PTPRG: variants seen among roughly 807,000 people sequenced by gnomAD.
PTPRG encodes receptor-type tyrosine-protein phosphatase gamma.
In PTPRG, 102 loss-of-function variants were observed where a neutral mutation model predicts 165.3. The observed-to-expected ratio is 0.62, with a 90% confidence interval of 0.53 to 0.73. The LOEUF (loss-of-function observed/expected upper bound fraction) is 0.73, where lower values mean the gene tolerates loss of function less well. Among genes scored for constraint, PTPRG ranks in the 30% least tolerant of loss-of-function variants. PTPRG has a pLI of 0.00. For synonymous variants in PTPRG, 675 were observed against 669.5 expected (o/e 1.01, Z -0.13); for missense variants, 1,866 against 1,861.4 (o/e 1.00, Z -0.05).
intron 1 of PTPRG, among the ~76,000 whole-genome samples, chr3:61,702,329 C>T (rs1575598452): frequency 6.6e-6 from 1 of 152,300 alleles, no homozygotes; most frequent in East Asian, 1.9e-4. Context: ...CTTTACCCAT[C>T]CTTACCTTTT....
At position 61,624,690 on chromosome 3, in the gene PTPRG, G is replaced by C. The variant is rs115027087; in HGVS notation, c.85+62318G>C. 7.2e-3 allele frequency among the ~76,000 whole-genome samples: 1,104 copies of C among 152,288 alleles called. 16 individuals are homozygous for C. The highest frequency in any genetic ancestry group is 0.025 in the African/African-American group (1,041 of 41,554). On this transcript the variant is annotated intron_variant, in intron 1 of 29. Coordinates refer to ENST00000474889, the MANE Select transcript of PTPRG (RefSeq NM_002841.4). ...ATACTTAACCTCAGGTTCTGCATCT[G>C]CAAAATGAGCATAATAGTACTCACC...
rs75050086 is a variant in PTPRG, at chr3:61,637,071, G to A, written c.85+74699G>A. Among the ~76,000 whole-genome samples the A allele has an allele frequency of 4.1e-3, 621 of 152,314 alleles. 3 individuals carry two copies. Among genetic ancestry groups the A allele is most frequent in the African/African-American group, 0.014 (584 of 41,572 alleles). ...CTCTGCCACATAGCTTATTGCTGTGGAGGAAAGAGAGTCTTCTCTTAGCCA... is the reference window on the plus strand; with the variant it reads ...CTCTGCCACATAGCTTATTGCTGTGAAGGAAAGAGAGTCTTCTCTTAGCCA... On this transcript the variant is annotated intron_variant, in intron 1 of 29. Coordinates refer to ENST00000474889, the MANE Select transcript of PTPRG (RefSeq NM_002841.4).
chr3:61,739,744 G>T (rs1311361867), intron 1 of PTPRG, among the ~76,000 whole-genome samples: 1 of 152,110 alleles, frequency 6.6e-6, no homozygotes, highest in Non-Finnish European at 1.5e-5. Flanking sequence ...CTTATGATTG[G>T]GCCAGGCCAT....
At chr3:61,986,118 T>C (rs536350321) in intron 2 of PTPRG, among the ~76,000 whole-genome samples, 2 of 152,218 alleles carry the variant, frequency 1.3e-5, no homozygotes, top group South Asian at 4.1e-4. Context: ...AATACGACAA[T>C]CATCATATTT....
chr3:61,740,489 G>GT (rs2032933085), intron 1 of PTPRG, among the ~76,000 whole-genome samples: 1 of 152,134 alleles, frequency 6.6e-6, no homozygotes, highest in Non-Finnish European at 1.5e-5. Context: ...AACTGACAGA[G>GT]TTAATGGCAG....
rs936022821 is a variant in PTPRG, at chr3:62,017,645, C to T, written c.519+14148C>T. The stretch of plus-strand genomic sequence containing the variant: ...TTCACCGTGTTAGCCAGGATGGTCT[C>T]GATCTCCTGACCTCGTGATCCGCCC... On this transcript the variant is annotated intron_variant, in intron 4 of 29. Transcript: ENST00000474889. Among the ~76,000 whole-genome samples, 12 of 149,898 alleles carry T rather than the reference C, an allele frequency of 8.0e-5. No homozygotes were observed. The East Asian group carries it at 1.6e-3, about 20-fold the overall frequency.
intron 2 of PTPRG, among the ~76,000 whole-genome samples, chr3:61,890,212 T>C (rs2038170149): frequency 6.6e-6 from 1 of 152,210 alleles, no homozygotes; most frequent in Non-Finnish European, 1.5e-5. Flanking sequence ...AAATTATCCA[T>C]AGCTTAGTAT....
intron 2 of PTPRG, among the ~76,000 whole-genome samples, chr3:61,804,140 C>T (rs1263387674): frequency 2.0e-5 from 3 of 152,216 alleles, no homozygotes; most frequent in Non-Finnish European, 4.4e-5. Context: ...GCAGTCCTCT[C>T]TATTGGTTTT....
chr3:62,097,176 A>G (rs1311313101), intron 5 of PTPRG, among the ~76,000 whole-genome samples: 3 of 152,286 alleles, frequency 2.0e-5, no homozygotes, highest in Admixed American at 2.0e-4. Context: ...ATCATAAAGG[A>G]GATATTGGCT....
At chr3:62,026,050 T>C (rs994724724) in intron 4 of PTPRG, among the ~76,000 whole-genome samples, 14 of 152,230 alleles carry the variant, frequency 9.2e-5, no homozygotes, top group Non-Finnish European at 1.9e-4. Context: ...GGCATTAAAG[T>C]ATGCAGTGCC....
intron 2 of PTPRG, among the ~76,000 whole-genome samples, chr3:61,759,561 G>C (rs527413278): frequency 1.3e-5 from 2 of 152,102 alleles, no homozygotes; most frequent in Non-Finnish European, 1.5e-5. Flanking sequence ...GAAGGCTGAG[G>C]TGGGAGGATC....
intron 4 of PTPRG, among the ~76,000 whole-genome samples, chr3:62,029,521 T>C (rs1210386820): frequency 6.6e-6 from 1 of 152,240 alleles, no homozygotes; most frequent in East Asian, 1.9e-4. Flanking sequence ...TCTGAAAGGA[T>C]GCTTGGGTTA....
At chr3:62,089,065 G>A (rs1013745424) in intron 5 of PTPRG, among the ~76,000 whole-genome samples, 4 of 152,168 alleles carry the variant, frequency 2.6e-5, no homozygotes, top group Admixed American at 1.3e-4. Context: ...TGAAGCTACT[G>A]TTTTCTCTAT....
At chr3:61,945,109 A>G (rs2039724369) in intron 2 of PTPRG, among the ~76,000 whole-genome samples, 1 of 152,206 alleles carries the variant, frequency 6.6e-6, no homozygotes, top group Non-Finnish European at 1.5e-5. Context: ...GGCAGAGGTG[A>G]TCAGTGACCA....
chr3:61,878,706 G>A (rs114715151), intron 2 of PTPRG, among the ~76,000 whole-genome samples: 629 of 152,024 alleles, frequency 4.1e-3, no homozygotes, highest in African/African-American at 0.014. Context: ...GTCTTACTAT[G>A]TTGCCCGGGT....
At chr3:62,063,718 G>C (rs1475398142) in intron 4 of PTPRG, among the ~76,000 whole-genome samples, 1 of 152,126 alleles carries the variant, frequency 6.6e-6, no homozygotes, top group Non-Finnish European at 1.5e-5. Flanking sequence ...GCCCAGGCTA[G>C]TCTTGAACTG....
chr3:62,046,299 T>C (rs773387330), intron 4 of PTPRG, among the ~76,000 whole-genome samples: 8 of 152,218 alleles, frequency 5.3e-5, no homozygotes, highest in Non-Finnish European at 8.8e-5. Context: ...CATCCATTCA[T>C]GCTTTGAAGT....
chr3:62,250,726 G>T (rs779999461), intron 15 of PTPRG, among the ~76,000 whole-genome samples: 5 of 152,112 alleles, frequency 3.3e-5, no homozygotes, highest in Admixed American at 1.3e-4. Flanking sequence ...TTGCATTTGA[G>T]GTCAGCGTTA....
chr3:61,740,730 C>T (rs674993), intron 1 of PTPRG, among the ~76,000 whole-genome samples: 111,491 of 151,988 alleles, frequency 0.73, 41,009 homozygotes, highest in Middle Eastern at 0.8. Flanking sequence ...CTCTGAGTTT[C>T]AGTACTTTAT....
Sources: allele counts gnomAD v4.1 joint callset (sites outside exome capture counted in the v4.1 genomes callset), GRCh38; gene constraint gnomAD v4.1.1; transcripts MANE v1.5; gene names NCBI Gene and HGNC (gene_info 2026-07-23, HGNC 2026-07-21).